ATP2B2: variants seen among roughly 807,000 people sequenced by gnomAD.
The protein encoded by ATP2B2 is ATPase plasma membrane Ca2+ transporting 2.
Under a neutral mutation model 120.0 loss-of-function variants are expected in ATP2B2, and 15 were observed. The ratio of observed to expected loss-of-function variants is 0.12; its 90% CI spans 0.08 to 0.19. The LOEUF is 0.19. Among genes scored for constraint, ATP2B2 ranks in the 10% least tolerant of loss-of-function variants. The pLI, the probability that ATP2B2 is intolerant of heterozygous loss-of-function variation, is 1.00. For missense variants in ATP2B2, 1,045 were observed against 1,719.8 expected, an observed-to-expected ratio of 0.61 and a Z score of 6.94; for synonymous variants, 694 against 700.3, an observed-to-expected ratio of 0.99 and a Z score of 0.14.
At chr3:10,623,088 G>A (rs2069597113) in intron 1 of ATP2B2, among the ~76,000 whole-genome samples, 1 of 147,668 alleles carries the variant, frequency 6.8e-6, no homozygotes, top group Admixed American at 6.8e-5. Flanking sequence ...CCTGAGGAAG[G>A]GGCTCTCTCT....
At chr3:10,406,462 C>T (rs9819416) in intron 3 of ATP2B2, among the ~76,000 whole-genome samples, 22,805 of 152,198 alleles carry the variant, frequency 0.15, 4,527 homozygotes, top group African/African-American at 0.46. Flanking sequence ...TATAATACTG[C>T]ATTTCTACTG....
intron 8 of ATP2B2, among the ~76,000 whole-genome samples, chr3:10,383,178 A>C (rs2061579842): frequency 1.3e-5 from 2 of 151,854 alleles, no homozygotes; most frequent in South Asian, 4.1e-4. Context: ...TGCATTTCTA[A>C]GGAGCTCCCA....
In ATP2B2 at chr3:10,347,918, T is replaced by G. The variant is rs1425947546; in HGVS notation, c.2405-1781A>C. ...CCCCGCAGACCTCTCAGCAACTATT[T>G]CCACCATGGACCACACCTTCCTCCT... On this transcript the variant is annotated intron_variant, in intron 16 of 22. Transcript: ENST00000360273. This position sits in a 1 kb window ranked among gnomAD's most constrained non-coding sequence, Gnocchi z 5.2. Among the ~76,000 whole-genome samples, 1 of 152,072 alleles carries G rather than the reference T, an allele frequency of 6.6e-6. No individual in the cohort carries two copies. The highest frequency in any genetic ancestry group is 1.5e-5 in the Non-Finnish European group (1 of 68,002).
upstream of ATP2B2, among the ~76,000 whole-genome samples, chr3:10,508,051 T>C (rs1468235554): frequency 2.0e-5 from 3 of 152,052 alleles, no homozygotes; most frequent in African/African-American, 7.2e-5. Flanking sequence ...CAACGCACAC[T>C]AGCAGCCAAA....
chr3:10,408,905 C>T (rs1438585960), intron 3 of ATP2B2, among the ~76,000 whole-genome samples: 1 of 152,158 alleles, frequency 6.6e-6, no homozygotes, highest in Non-Finnish European at 1.5e-5. Flanking sequence ...AGGGACAGGA[C>T]CGAGGAGCCA....
intron 1 of ATP2B2, among the ~76,000 whole-genome samples, chr3:10,473,198 C>T (rs1345804646): frequency 6.6e-6 from 1 of 152,216 alleles, no homozygotes; most frequent in Non-Finnish European, 1.5e-5. Context: ...CTCTCTTGCC[C>T]AATCTCCTAC....
intron 2 of ATP2B2, among the ~76,000 whole-genome samples, chr3:10,612,157 G>A (rs2069256828): frequency 6.6e-6 from 1 of 152,154 alleles, no homozygotes; most frequent in East Asian, 1.9e-4. Context: ...CACCAGGTGT[G>A]CTATGACACC....
At chr3:10,682,090 G>A (rs1360621619) in intron 1 of ATP2B2, among the ~76,000 whole-genome samples, 1 of 152,170 alleles carries the variant, frequency 6.6e-6, no homozygotes, top group Non-Finnish European at 1.5e-5. Context: ...TCTGAGCCAG[G>A]ACTCCATATT....
chr3:10,612,297 C>T (rs545147534), intron 2 of ATP2B2, among the ~76,000 whole-genome samples: 3 of 152,322 alleles, frequency 2.0e-5, no homozygotes, highest in East Asian at 1.9e-4. Flanking sequence ...TGTCACCTCT[C>T]CTTTCCAGAA....
chr3:10,406,573 G>A (rs565860464), intron 3 of ATP2B2, among the ~76,000 whole-genome samples: 4 of 152,314 alleles, frequency 2.6e-5, no homozygotes, highest in Non-Finnish European at 5.9e-5. Context: ...TAGGAGCAAC[G>A]GGCTGCACCA....
intron 3 of ATP2B2, among the ~76,000 whole-genome samples, chr3:10,528,747 A>T (rs1287090539): frequency 6.6e-6 from 1 of 152,246 alleles, no homozygotes; most frequent in Non-Finnish European, 1.5e-5. Flanking sequence ...TGCTGCAAAC[A>T]TATTATTTAG....
rs1241398226 is a variant in ATP2B2 at position 10,332,083 on chromosome 3, G to C, written c.3421-2958C>G. On this transcript the variant is annotated intron_variant, in intron 22 of 22. Coordinates refer to ENST00000360273, the MANE Select transcript of ATP2B2 (RefSeq NM_001001331.4). ...AATATTCAGACAGTGGAGAGGTCTA[G>C]GGTTCCCCCCACAAAGCAAGCCATT... is the stretch of plus-strand genomic sequence containing the variant. 8 of 1,519,532 alleles carry C rather than the reference G, an allele frequency of 5.3e-6. No homozygotes were observed. The African/African-American group carries it at 1.1e-4, about 21-fold the overall frequency. 94.1% of individuals were successfully genotyped at this position (1,519,532 alleles called of 1,614,324 possible). A position where few individuals can be genotyped will look rare whatever the true frequency, so the allele number is the denominator to read the frequency against.
intron 2 of ATP2B2, among the ~76,000 whole-genome samples, chr3:10,548,545 C>A (rs550393575): frequency 6.6e-6 from 1 of 152,290 alleles, no homozygotes; most frequent in East Asian, 1.9e-4. Context: ...TAGTGTATAG[C>A]TATCCCAGCT....
chr3:10,691,819 CA>C, intron 1 of ATP2B2, among the ~76,000 whole-genome samples: 1 of 152,144 alleles, frequency 6.6e-6, no homozygotes, highest in Non-Finnish European at 1.5e-5. Flanking sequence ...CCATGAACAC[CA>C]TATTTCCATA....
In ATP2B2 at chr3:10,384,304, T is replaced by C. The variant is rs539119646; in HGVS notation, c.1000+964A>G. 2.0e-5 allele frequency among the ~76,000 whole-genome samples: 3 copies of C among 152,282 alleles called. No individual in the cohort carries two copies. The South Asian group carries it at 6.2e-4, about 32-fold the overall frequency. On this transcript the variant is annotated intron_variant, in intron 8 of 22. Transcript: ENST00000360273. ...GAGAAACCCACAGCCCAGTGCCTGG[T>C]ATGCAGAGACGGTGGGAAAAAGATT...
At chr3:10,400,466 C>T (rs2062180139) in intron 5 of ATP2B2, among the ~76,000 whole-genome samples, 1 of 152,226 alleles carries the variant, frequency 6.6e-6, no homozygotes, top group South Asian at 2.1e-4. Context: ...TTTCTTCACA[C>T]ACTTCTCTGC....
At chr3:10,557,738 C>T (rs1424354656) in intron 2 of ATP2B2, among the ~76,000 whole-genome samples, 1 of 152,194 alleles carries the variant, frequency 6.6e-6, no homozygotes, top group African/African-American at 2.4e-5. Flanking sequence ...TTATCTTTCA[C>T]CCACTGTCAT....
chr3:10,566,698 G>A (rs1297055332), intron 2 of ATP2B2, among the ~76,000 whole-genome samples: 1 of 152,198 alleles, frequency 6.6e-6, no homozygotes. Flanking sequence ...TCAAATCACT[G>A]GAAATGTGAC....
chr3:10,584,118 C>T (rs369671908), intron 2 of ATP2B2, among the ~76,000 whole-genome samples: 45 of 151,742 alleles, frequency 3.0e-4, no homozygotes, highest in African/African-American at 9.7e-4. Flanking sequence ...GAGAGCTTTC[C>T]GCTTGGACTT....
Sources: allele counts gnomAD v4.1 joint callset (sites outside exome capture counted in the v4.1 genomes callset), GRCh38; gene constraint gnomAD v4.1.1; non-coding constraint Gnocchi (gnomAD v3.1); transcripts MANE v1.5; gene names NCBI Gene and HGNC (gene_info 2026-07-23, HGNC 2026-07-21).